Variants in TTC8 observed in about 807,000 individuals in gnomAD.
TTC8 encodes the protein tetratricopeptide repeat domain 8.
Under a neutral mutation model 72.5 loss-of-function variants are expected in TTC8, and 47 were observed. The observed-to-expected ratio is 0.65, with a 90% CI of 0.51 to 0.83. The LOEUF (loss-of-function observed/expected upper bound fraction) is 0.83, where lower values mean the gene tolerates loss of function less well. TTC8 is among the 40% of genes least tolerant of loss of function. TTC8 has a pLI of 0.00. For synonymous variants in TTC8, 199 were observed against 221.4 expected (o/e 0.90, Z 0.90); for missense variants, 611 against 623.2 (o/e 0.98, Z 0.21).
At chr14:88,864,055 T>C (rs967160480) in intron 10 of TTC8, among the ~76,000 whole-genome samples, 2 of 152,208 alleles carry the variant, frequency 1.3e-5, no homozygotes, top group African/African-American at 2.4e-5. Flanking sequence ...CTAGGTATGA[T>C]ATTTTGAAAT....
At position 88,841,490 on chromosome 14, in the gene TTC8, T is replaced by G; in HGVS notation, c.555T>G (p.Tyr185Ter). Reference protein sequence around the residue: ...INLSRLNLTKYSQKPKLAKAL... With the variant: ...INLSRLNLTK ...TATCTAGGCTGAATTTAACAAAGTATTCCCAGAAACCTAAGTTGGCAAAGG... is the reference window on the plus strand; with the variant it reads ...TATCTAGGCTGAATTTAACAAAGTAGTCCCAGAAACCTAAGTTGGCAAAGG... Residue 185 changes from tyrosine (Y) to a stop codon, truncating the protein, a stop_gained, in exon 6 of 15, where the codon TAT (tyrosine) becomes TAG (stop). Coordinates refer to ENST00000380656, the MANE Select transcript of TTC8 (RefSeq NM_144596.4). LOFTEE classifies it high-confidence loss of function. 1 of 1,613,714 alleles carries G rather than the reference T, an allele frequency of 6.2e-7. No individual in the cohort carries two copies. Among genetic ancestry groups the G allele is most frequent in the Non-Finnish European group, 8.5e-7 (1 of 1,179,822 alleles).
rs540282584 is a variant in TTC8 at position 88,846,326 on chromosome 14, CAAAAA to C, written c.624+2481_624+2485del. ...TGGGTGACAGGGTGAAACTCTGTCT[CAAAAA>C]AAAAGAAAAGAAAAGAAAACATTCT... On this transcript the variant is annotated intron_variant, in intron 7 of 14. Transcript: ENST00000380656. 2.2e-3 allele frequency among the ~76,000 whole-genome samples: 327 copies of C among 148,338 alleles called. 2 individuals carry two copies. The highest frequency in any genetic ancestry group is 7.5e-3 in the African/African-American group (305 of 40,562).
At position 88,825,713 on chromosome 14, in the gene TTC8, G is replaced by T. The variant is rs552125248; in HGVS notation, c.114+892G>T. ...CCTCTAGTGGTGTTGCCTTGGAGAT[G>T]TTAGAAAAAATGGAAAATTGAAGGG... On this transcript the variant is annotated intron_variant, in intron 1 of 14. Coordinates refer to ENST00000380656, the MANE Select transcript of TTC8 (RefSeq NM_144596.4). Among the ~76,000 whole-genome samples, 3 of 152,266 alleles carry T rather than the reference G, an allele frequency of 2.0e-5. 1 individual carries two copies. Among genetic ancestry groups the T allele is most frequent in the African/African-American group, 7.2e-5 (3 of 41,554 alleles).
Position 88,859,890 on chromosome 14 carries a change from A to ATATAAATATAT in TTC8, c.799-1328_799-1327insAATATATTATA, listed in dbSNP as rs1468247621. ...ATATAAATATATTATATATTATATA[A>ATATAAATATAT]TATATAATATAATATAAATATAATA... is the stretch of plus-strand genomic sequence containing the variant. On this transcript the variant is annotated intron_variant, in intron 9 of 14. Coordinates refer to ENST00000380656, the MANE Select transcript of TTC8 (RefSeq NM_144596.4). Among the ~76,000 whole-genome samples the ATATAAATATAT allele has an allele frequency of 1.1e-4, 15 of 137,308 alleles. No homozygotes were observed. In the South Asian group the frequency reaches 1.2e-3, roughly 11 times the overall value. The allele number at this position is 137,308 out of a possible 152,430, so 90.1% of individuals were successfully genotyped here.
chr14:88,865,799 A>G (rs2094907000), intron 10 of TTC8, among the ~76,000 whole-genome samples: 1 of 152,110 alleles, frequency 6.6e-6, no homozygotes, highest in Non-Finnish European at 1.5e-5. Context: ...TTGCAATGGC[A>G]TTTATATACT....
chr14:88,865,918 A>G (rs751034144), intron 10 of TTC8, among the ~76,000 whole-genome samples: 1 of 152,114 alleles, frequency 6.6e-6, no homozygotes. Flanking sequence ...GTGTTCATAT[A>G]TATGAAAATT....
intron 7 of TTC8, among the ~76,000 whole-genome samples, chr14:88,850,451 G>T (rs755924449): frequency 6.6e-6 from 1 of 152,202 alleles, no homozygotes; most frequent in Non-Finnish European, 1.5e-5. Context: ...CACTTTGGGA[G>T]GCTGAGGCAG....
At chr14:88,861,618 A>G (rs2094886291) in intron 10 of TTC8, among the ~76,000 whole-genome samples, 1 of 152,092 alleles carries the variant, frequency 6.6e-6, no homozygotes, top group South Asian at 2.1e-4. Flanking sequence ...CCCCTTAACC[A>G]ACTTCTCTTC....
chr14:88,874,888 G>A, intron 13 of TTC8, 138 bp from the exon 14 acceptor site: 1 of 588,810 alleles, frequency 1.7e-6, no homozygotes, highest in South Asian at 2.5e-5. Flanking sequence ...GAGGAATGTT[G>A]TCGGTATTTA....
In TTC8 at chr14:88,871,659, T is replaced by C. The variant is rs2094934582; in HGVS notation, c.1160T>C (p.Leu387Pro). Residue 387 changes from leucine (L) to proline (P), a missense_variant, in exon 12 of 15, where the codon CTT becomes CCT. Coordinates refer to ENST00000380656, the MANE Select transcript of TTC8 (RefSeq NM_144596.4). This position sits in a 1 kb window ranked among gnomAD's most constrained non-coding sequence, Gnocchi z 4.1. The part of the protein sequence containing the change: ...DMTLTSFERA[L>P]SLAENEEEAA... ...ACTCTGACCTCATTTGAACGTGCCCTTTCTTTGGCTGAAAATGAAGAAGAG... is the reference window on the plus strand; with the variant it reads ...ACTCTGACCTCATTTGAACGTGCCCCTTCTTTGGCTGAAAATGAAGAAGAG... The C allele has an allele frequency of 6.2e-7, 1 of 1,614,154 alleles. No homozygotes were observed.
At position 88,853,038 on chromosome 14, in the gene TTC8, T is replaced by C. The variant is rs898145187; in HGVS notation, c.692T>C (p.Ile231Thr). 8 of 1,612,996 alleles carry C rather than the reference T, an allele frequency of 5.0e-6. No individual in the cohort carries two copies. The highest frequency in any genetic ancestry group is 2.2e-5 in the South Asian group (2 of 91,084). ...AAGGACTGGTGGTGGAAAGTACAGA[T>C]TGGAAAATGTTACTACAGGTAAATT... ...QYKDWWWKVQ[I>T]GKCYYRLGMY... is the part of the protein sequence containing the mutation. The change falls in exon 8 of 15, where the codon ATT becomes ACT. Residue 231 changes from isoleucine (I) to threonine (T), a missense_variant. Coordinates refer to ENST00000380656, the MANE Select transcript of TTC8 (RefSeq NM_144596.4).
chr14:88,862,437 A>G (rs909815289), intron 10 of TTC8, among the ~76,000 whole-genome samples: 1 of 148,286 alleles, frequency 6.7e-6, no homozygotes, highest in Non-Finnish European at 1.5e-5. Context: ...ATAAGAATGG[A>G]CAAACAATCC....
At chr14:88,866,382 AACACACACACACACAC>A (rs10553603) in intron 10 of TTC8, among the ~76,000 whole-genome samples, 4 of 146,670 alleles carry the variant, frequency 2.7e-5, no homozygotes, top group Admixed American at 1.4e-4. Flanking sequence ...GGGAGATTTA[AACACACACACACACAC>A]ACACACACAC....
chr14:88,850,634 G>A (rs1018067391), intron 7 of TTC8, among the ~76,000 whole-genome samples: 2 of 152,120 alleles, frequency 1.3e-5, no homozygotes, highest in African/African-American at 4.8e-5. Flanking sequence ...TGGAGGAGTC[G>A]AGATTGTGCC....
At position 88,852,868 on chromosome 14, in the gene TTC8, C is replaced by T. The variant is rs2094839482; in HGVS notation, c.625-103C>T. On this transcript the variant is annotated intron_variant, in intron 7 of 14. Coordinates refer to ENST00000380656, the MANE Select transcript of TTC8 (RefSeq NM_144596.4). ...GAGTTTCTGTCGGATTTCTAATGCA[C>T]ATTTTGATTGGTGCTAATTATATGG... 5 of 1,017,212 alleles carry T rather than the reference C, an allele frequency of 4.9e-6. No homozygotes were observed. The South Asian group carries it at 6.8e-5, about 14-fold the overall frequency. 63.0% of individuals were successfully genotyped at this position (1,017,212 alleles called of 1,614,324 possible). A position where few individuals can be genotyped will look rare whatever the true frequency, so the allele number is the denominator to read the frequency against.
chr14:88,842,769 C>T lies in TTC8; in HGVS notation c.580-1037C>T, dbSNP rs150988589. 3.0e-3 allele frequency among the ~76,000 whole-genome samples: 452 copies of T among 152,284 alleles called. 2 individuals are homozygous for T. Among genetic ancestry groups the T allele is most frequent in the African/African-American group, 0.01 (436 of 41,562 alleles). On this transcript the variant is annotated intron_variant, in intron 6 of 14. Transcript: ENST00000380656. Reference sequence around the variant, plus strand: ...GCCAGGTTTTTCTGTCTTTGGCCCCCAGCTTGCCTTGACCCAAAAGGAGTC... The same window carrying T: ...GCCAGGTTTTTCTGTCTTTGGCCCCTAGCTTGCCTTGACCCAAAAGGAGTC...
intron 9 of TTC8, among the ~76,000 whole-genome samples, chr14:88,860,054 GTTC>G (rs916473336): frequency 4.6e-4 from 68 of 148,226 alleles, no homozygotes; most frequent in African/African-American, 1.6e-3. Flanking sequence ...GCTTTTTAAA[GTTC>G]TTAATTGTTA....
chr14:88,860,076 A>G (rs1298194235), intron 9 of TTC8, among the ~76,000 whole-genome samples: 7 of 149,256 alleles, frequency 4.7e-5, no homozygotes, highest in Non-Finnish European at 1.0e-4. Flanking sequence ...TAATTTAAAA[A>G]TTAAACCTTT....
chr14:88,831,251 C>T (rs2094724687), intron 1 of TTC8, among the ~76,000 whole-genome samples: 1 of 152,198 alleles, frequency 6.6e-6, no homozygotes, highest in Non-Finnish European at 1.5e-5. Flanking sequence ...CTTTCCATGA[C>T]AACAACCTAT....
Sources: allele counts gnomAD v4.1 joint callset (sites outside exome capture counted in the v4.1 genomes callset), GRCh38; gene constraint gnomAD v4.1.1; non-coding constraint Gnocchi (gnomAD v3.1); transcripts MANE v1.5; gene names NCBI Gene and HGNC (gene_info 2026-07-23, HGNC 2026-07-21).